Variants in SRPK2 observed in about 807,000 individuals in gnomAD.
SRPK2 encodes the protein SRSF protein kinase 2, also known as SFRS protein kinase 2.
Under a neutral mutation model 90.8 loss-of-function variants are expected in SRPK2, and 21 were observed. That is an observed-to-expected ratio of 0.23 (90% CI 0.16 to 0.33). The LOEUF (loss-of-function observed/expected upper bound fraction) is 0.33, where lower values mean the gene tolerates loss of function less well. SRPK2 is among the 10% of genes least tolerant of loss of function. The probability of loss-of-function intolerance (pLI) is 1.00; values close to 1 mark genes in which losing one functional copy is unlikely to be tolerated. For synonymous variants in SRPK2, 288 were observed against 311.1 expected (o/e 0.93, Z 0.78); for missense variants, 620 against 869.0 (o/e 0.71, Z 3.60).
intron 2 of SRPK2, among the ~76,000 whole-genome samples, chr7:105,361,924 T>C (rs1391037106): frequency 6.6e-6 from 1 of 150,986 alleles, no homozygotes; most frequent in Non-Finnish European, 1.5e-5. Flanking sequence ...GGGCAAGGAC[T>C]TCATGACTAA....
intron 2 of SRPK2, among the ~76,000 whole-genome samples, chr7:105,321,192 C>CGTTA (rs1476358568): frequency 2.0e-5 from 3 of 152,144 alleles, no homozygotes; most frequent in Admixed American, 6.6e-5. Flanking sequence ...ACAGCAATAA[C>CGTTA]AGTCTGCACA....
chr7:105,147,714 A>G (rs1324703750), intron 7 of SRPK2, among the ~76,000 whole-genome samples: 1 of 152,092 alleles, frequency 6.6e-6, no homozygotes, highest in African/African-American at 2.4e-5. Flanking sequence ...ACCCCTTCTA[A>G]CCCTTAGCAA....
At chr7:105,332,448 C>A (rs1293621688) in intron 2 of SRPK2, among the ~76,000 whole-genome samples, 2 of 152,060 alleles carry the variant, frequency 1.3e-5, no homozygotes, top group African/African-American at 2.4e-5. Flanking sequence ...GAGGAGAAAA[C>A]AGTGATATTT....
intron 2 of SRPK2, among the ~76,000 whole-genome samples, chr7:105,304,989 T>C (rs1383647420): frequency 6.6e-6 from 1 of 152,216 alleles, no homozygotes; most frequent in Non-Finnish European, 1.5e-5. Context: ...CTAACAAAGA[T>C]AAAAACTATC....
intron 8 of SRPK2, 30 bp downstream of exon 8, chr7:105,146,459 CCACA>C: frequency 1.2e-6 from 2 of 1,609,418 alleles, no homozygotes; most frequent in African/African-American, 2.7e-5. Flanking sequence ...CCCAATGCCC[CCACA>C]CTGAAATGAA....
At chr7:105,196,317 T>C (rs552717823) in intron 3 of SRPK2, among the ~76,000 whole-genome samples, 1 of 152,320 alleles carries the variant, frequency 6.6e-6, no homozygotes, top group East Asian at 1.9e-4. Flanking sequence ...AAAAGAACTG[T>C]GAATAAAGAA....
At chr7:105,321,537 C>T (rs1812938014) in intron 2 of SRPK2, among the ~76,000 whole-genome samples, 1 of 151,868 alleles carries the variant, frequency 6.6e-6, no homozygotes, top group Admixed American at 6.6e-5. Context: ...GAAAAGACAA[C>T]CTGCAGAATG....
chr7:105,386,086 G>A (rs1349567417), intron 2 of SRPK2, among the ~76,000 whole-genome samples: 1 of 150,236 alleles, frequency 6.7e-6, no homozygotes, highest in Non-Finnish European at 1.5e-5. Flanking sequence ...AGGCCGAGGC[G>A]GGCGAATCAC....
At chr7:105,379,557 TA>T (rs1820701223) in intron 2 of SRPK2, among the ~76,000 whole-genome samples, 1 of 152,156 alleles carries the variant, frequency 6.6e-6, no homozygotes, top group Non-Finnish European at 1.5e-5. Flanking sequence ...TCCTAGGTGG[TA>T]GAGTATAGAC....
At chr7:105,160,470 G>A (rs182745901) in intron 7 of SRPK2, 37 bp downstream of exon 7, 2 of 1,236,940 alleles carry the variant, frequency 1.6e-6, no homozygotes, top group East Asian at 4.7e-5. Flanking sequence ...TAACCAATTA[G>A]GTACTAGGGC....
chr7:105,348,134 T>C (rs1481335554), intron 2 of SRPK2, among the ~76,000 whole-genome samples: 6 of 131,588 alleles, frequency 4.6e-5, no homozygotes, highest in Non-Finnish European at 7.8e-5. Context: ...TGGAGTGCAA[T>C]GGCGCGATCT....
intron 2 of SRPK2, among the ~76,000 whole-genome samples, chr7:105,232,645 T>C (rs1585275966): frequency 1.3e-5 from 2 of 151,586 alleles, no homozygotes; most frequent in African/African-American, 4.9e-5. Context: ...AATATTCACA[T>C]GTGAAATAAC....
chr7:105,271,143 A>T (rs369751415), intron 2 of SRPK2, among the ~76,000 whole-genome samples: 7 of 152,346 alleles, frequency 4.6e-5, no homozygotes, highest in Non-Finnish European at 8.8e-5. Flanking sequence ...ACTTGAATCC[A>T]TCTTCATCAT....
chr7:105,372,951 T>C (rs1214506030), intron 2 of SRPK2, among the ~76,000 whole-genome samples: 1 of 152,104 alleles, frequency 6.6e-6, no homozygotes, highest in Admixed American at 6.6e-5. Flanking sequence ...TAGCTGGGCA[T>C]GGTGTCATGT....
At chr7:105,283,004 A>G (rs1442531088) in intron 2 of SRPK2, among the ~76,000 whole-genome samples, 1 of 152,232 alleles carries the variant, frequency 6.6e-6, no homozygotes, top group East Asian at 1.9e-4. Context: ...ACATGTGCCA[A>G]AAGAAGAAAA....
intron 2 of SRPK2, among the ~76,000 whole-genome samples, chr7:105,385,681 G>A (rs964572082): frequency 2.0e-5 from 3 of 152,062 alleles, no homozygotes; most frequent in African/African-American, 4.8e-5. Flanking sequence ...CCTCATTCTC[G>A]ATCCTGCCCA....
chr7:105,214,197 C>T (rs754292300), intron 2 of SRPK2, among the ~76,000 whole-genome samples: 1 of 152,168 alleles, frequency 6.6e-6, no homozygotes, highest in Non-Finnish European at 1.5e-5. Flanking sequence ...ATGCTGCAGG[C>T]TCTAGATGCT....
At chr7:105,189,318 TG>T (rs1277208359) in intron 3 of SRPK2, 1 of 155,900 alleles carries the variant, frequency 6.4e-6, no homozygotes, top group Non-Finnish European at 1.4e-5. Flanking sequence ...CTTTTCGGCC[TG>T]GTTTGTTGGC....
At chr7:105,359,499 T>C (rs1312321157) in intron 2 of SRPK2, among the ~76,000 whole-genome samples, 3 of 152,120 alleles carry the variant, frequency 2.0e-5, no homozygotes. Flanking sequence ...AAGGTCTCCA[T>C]GCTTATCAAC....
Sources: gnomAD v4.1 joint callset for allele counts (sites outside exome capture counted in the v4.1 genomes callset) on GRCh38, gnomAD v4.1.1 for gene constraint, MANE v1.5 for transcripts, NCBI Gene and HGNC (gene_info 2026-07-23, HGNC 2026-07-21) for gene names.